KCND2: variants seen among roughly 807,000 people sequenced by gnomAD.
KCND2 encodes potassium voltage-gated channel subfamily D member 2, also known as A-type voltage-gated potassium channel KCND2.
Under a neutral mutation model 54.4 loss-of-function variants are expected in KCND2, and 16 were observed. That is an observed-to-expected ratio of 0.29 (90% CI 0.20 to 0.45). KCND2 has a LOEUF of 0.45. Ranked by LOEUF, KCND2 falls within the 20% of genes least tolerant of loss-of-function variation. The pLI is 1.00. For synonymous variants in KCND2, 317 were observed against 310.7 expected, an observed-to-expected ratio of 1.02 and a Z score of -0.21; for missense variants, 486 against 824.2, an observed-to-expected ratio of 0.59 and a Z score of 5.02.
intron 1 of KCND2, among the ~76,000 whole-genome samples, chr7:120,587,328 G>A (rs930370739): frequency 1.3e-5 from 2 of 152,146 alleles, no homozygotes; most frequent in African/African-American, 2.4e-5. Flanking sequence ...AGTGGAGATA[G>A]AAATCTTTCG....
chr7:120,673,913 T>A lies in KCND2; in HGVS notation c.1116-58990T>A, dbSNP rs187238929. On this transcript the variant is annotated intron_variant, in intron 1 of 5. Transcript: ENST00000331113. ...CATTACCTGCCTCTTTTATTTATTT[T>A]TTTTTTTTTCTACAGGAGCCTCACT... Among the ~76,000 whole-genome samples, 406 of 151,794 alleles carry A rather than the reference T, an allele frequency of 2.7e-3. 4 individuals are homozygous for A. The highest frequency in any genetic ancestry group is 4.9e-3 in the African/African-American group (205 of 41,428).
intron 1 of KCND2, among the ~76,000 whole-genome samples, chr7:120,337,588 C>T (rs982255779): frequency 2.0e-5 from 3 of 152,094 alleles, no homozygotes; most frequent in African/African-American, 7.2e-5. Flanking sequence ...ATTCTCTTCC[C>T]ATTCTAAAGT....
intron 1 of KCND2, among the ~76,000 whole-genome samples, chr7:120,383,597 T>C (rs1038883294): frequency 6.6e-6 from 1 of 152,072 alleles, no homozygotes; most frequent in African/African-American, 2.4e-5. Flanking sequence ...GTCTTAACTT[T>C]AGTGAAACAT....
At chr7:120,420,765 A>G (rs1801599793) in intron 1 of KCND2, among the ~76,000 whole-genome samples, 1 of 152,198 alleles carries the variant, frequency 6.6e-6, no homozygotes, top group Non-Finnish European at 1.5e-5. Flanking sequence ...CAAACTTTTT[A>G]AGAAATTATA....
In KCND2 at chr7:120,416,777, C is replaced by CAAAA. The variant is rs200783464; in HGVS notation, c.1115+141042_1115+141045dup. On this transcript the variant is annotated intron_variant, in intron 1 of 5. Transcript: ENST00000331113. ...CTCTCTGGAGGGACTCATAGACTAG[C>CAAAA]AAAAAAAAAAAAAAAGCAAGTACTT... 1.4e-3 allele frequency among the ~76,000 whole-genome samples: 154 copies of CAAAA among 112,384 alleles called. 1 individual carries two copies. Among genetic ancestry groups the CAAAA allele is most frequent in the African/African-American group, 4.2e-3 (139 of 33,486 alleles). 73.7% of individuals were successfully genotyped at this position (112,384 alleles called of 152,430 possible). A position where few individuals can be genotyped will look rare whatever the true frequency, so the allele number is the denominator to read the frequency against.
intron 1 of KCND2, among the ~76,000 whole-genome samples, chr7:120,708,033 T>C (rs952079181): frequency 6.6e-6 from 1 of 152,022 alleles, no homozygotes; most frequent in Admixed American, 6.6e-5. Context: ...TTAAGCAAGA[T>C]GATACAAGAG....
intron 1 of KCND2, among the ~76,000 whole-genome samples, chr7:120,616,627 A>G (rs1179143759): frequency 2.0e-5 from 3 of 152,204 alleles, no homozygotes; most frequent in Admixed American, 2.0e-4. Flanking sequence ...GTAGGGACCA[A>G]TAATATTTTC....
In KCND2 at chr7:120,735,006, T is replaced by C. The variant is rs577016840; in HGVS notation, c.1278+1941T>C. ...ACAGCATATTTGTCCAGAGAACTAA[T>C]TTATGCCCACTGTCAAAGATCTTCT... is the stretch of plus-strand genomic sequence containing the variant. On this transcript the variant is annotated intron_variant, in intron 2 of 5. Transcript: ENST00000331113. Among the ~76,000 whole-genome samples the C allele has an allele frequency of 1.1e-4, 17 of 152,212 alleles. No individual in the cohort carries two copies. The South Asian group carries it at 3.5e-3, about 32-fold the overall frequency.
intron 5 of KCND2, 116 bp downstream of exon 5, chr7:120,746,143 A>G (rs373098589): frequency 3.3e-6 from 4 of 1,221,282 alleles, no homozygotes; most frequent in Non-Finnish European, 2.4e-6. Flanking sequence ...TGGTTCAGGA[A>G]GAGACAAAAA....
chr7:120,323,060 A>G (rs1036367961), intron 1 of KCND2, among the ~76,000 whole-genome samples: 7 of 152,114 alleles, frequency 4.6e-5, no homozygotes, highest in African/African-American at 1.4e-4. Flanking sequence ...TACATGTGCT[A>G]TGGTGGTTTG....
At chr7:120,387,403 AAAAT>A (rs1801006511) in intron 1 of KCND2, among the ~76,000 whole-genome samples, 1 of 152,090 alleles carries the variant, frequency 6.6e-6, no homozygotes, top group African/African-American at 2.4e-5. Context: ...CTGTTTTTAA[AAAAT>A]AAATAAGTTA....
intron 1 of KCND2, among the ~76,000 whole-genome samples, chr7:120,639,064 T>C (rs1053207856): frequency 1.3e-5 from 2 of 152,180 alleles, no homozygotes; most frequent in Admixed American, 6.6e-5. Flanking sequence ...GTGTCTCATA[T>C]ATACTGGAAA....
intron 1 of KCND2, among the ~76,000 whole-genome samples, chr7:120,466,186 A>T (rs962162710): frequency 4.6e-5 from 7 of 152,204 alleles, no homozygotes; most frequent in African/African-American, 1.7e-4. Flanking sequence ...GTTGAGAACC[A>T]CTGCTCTATA....
chr7:120,305,465 C>G (rs1397814601), intron 1 of KCND2, among the ~76,000 whole-genome samples: 1 of 152,070 alleles, frequency 6.6e-6, no homozygotes, highest in South Asian at 2.1e-4. Context: ...GATTTTTTCC[C>G]GTAAGTCTTA....
intron 1 of KCND2, among the ~76,000 whole-genome samples, chr7:120,615,845 G>T (rs1211422717): frequency 6.6e-6 from 1 of 152,178 alleles, no homozygotes; most frequent in Non-Finnish European, 1.5e-5. Context: ...TAGCTTAATG[G>T]TTGATCTGAA....
intron 1 of KCND2, among the ~76,000 whole-genome samples, chr7:120,626,460 C>G (rs10226133): frequency 0.12 from 18,088 of 152,072 alleles, 1,396 homozygotes; most frequent in African/African-American, 0.2. Flanking sequence ...TTAGTTGGTA[C>G]TCACCAAAAT....
rs183093294 is a variant in KCND2, at chr7:120,616,175, T to A, written c.1116-116728T>A. ...TTTCACAGGCTTAAAATCAAAACAG[T>A]TCTGAAGTCAAATTACCTGTATTAA... On this transcript the variant is annotated intron_variant, in intron 1 of 5. Transcript: ENST00000331113. 2.6e-5 allele frequency among the ~76,000 whole-genome samples: 4 copies of A among 152,308 alleles called. No homozygotes were observed. In the East Asian group the frequency reaches 7.7e-4, roughly 29 times the overall value.
At chr7:120,629,976 G>T (rs1467858368) in intron 1 of KCND2, among the ~76,000 whole-genome samples, 1 of 152,172 alleles carries the variant, frequency 6.6e-6, no homozygotes. Flanking sequence ...GGAGTTCAGG[G>T]AAGAAATTGA....
intron 1 of KCND2, among the ~76,000 whole-genome samples, chr7:120,685,254 A>C (rs1444458545): frequency 6.6e-6 from 1 of 152,160 alleles, no homozygotes; most frequent in African/African-American, 2.4e-5. Context: ...TTTCTACTAC[A>C]AGAACTATCA....
Sources: gnomAD v4.1 joint callset for allele counts (sites outside exome capture counted in the v4.1 genomes callset) on GRCh38, gnomAD v4.1.1 for gene constraint, MANE v1.5 for transcripts, NCBI Gene and HGNC (gene_info 2026-07-23, HGNC 2026-07-21) for gene names.